EFCAB5: variants seen among roughly 807,000 people sequenced by gnomAD.
The protein encoded by EFCAB5 is EF-hand calcium-binding domain-containing protein 5.
EFCAB5 carries 131 observed loss-of-function variants against 167.9 expected under a neutral mutation model. The observed-to-expected ratio is 0.78, with a 90% CI of 0.68 to 0.90. The LOEUF is 0.90. Among genes scored for constraint, EFCAB5 ranks in the 40% least tolerant of loss-of-function variants. The pLI is 0.00. For synonymous variants in EFCAB5, 574 were observed against 602.8 expected (o/e 0.95, Z 0.70); for missense variants, 1,663 against 1,745.2 (o/e 0.95, Z 0.84).
At chr17:30,096,000 A>G (rs1351871082) in intron 22 of EFCAB5, among the ~76,000 whole-genome samples, 1 of 152,230 alleles carries the variant, frequency 6.6e-6, no homozygotes, top group Non-Finnish European at 1.5e-5. Flanking sequence ...GGAGGAGGAG[A>G]TATCAGTTCA....
chr17:29,964,761 T>G (rs1364641078), intron 3 of EFCAB5, among the ~76,000 whole-genome samples: 4 of 151,630 alleles, frequency 2.6e-5, no homozygotes, highest in Admixed American at 2.6e-4. Context: ...TTTGGTTAAA[T>G]TGTTTTTCTC....
At chr17:30,074,542 G>C (rs1025807594) in intron 14 of EFCAB5, 1 of 152,110 alleles carries the variant, frequency 6.6e-6, no homozygotes, top group Non-Finnish European at 1.5e-5. Flanking sequence ...ACCATGGTTT[G>C]TTTATCCGTT....
intron 7 of EFCAB5, among the ~76,000 whole-genome samples, chr17:30,019,442 T>G (rs980802306): frequency 1.4e-4 from 21 of 150,084 alleles, no homozygotes; most frequent in African/African-American, 4.9e-4. Flanking sequence ...CCTCTCTCCC[T>G]CTCTCTTTTT....
chr17:30,070,214 A>G (rs2151817609), intron 14 of EFCAB5, among the ~76,000 whole-genome samples: 1 of 152,296 alleles, frequency 6.6e-6, no homozygotes, highest in East Asian at 1.9e-4. Context: ...TCTAATAAAT[A>G]CAATTACAGC....
At chr17:30,099,380 T>C (rs2071349916) in intron 22 of EFCAB5, among the ~76,000 whole-genome samples, 1 of 152,116 alleles carries the variant, frequency 6.6e-6, no homozygotes, top group Non-Finnish European at 1.5e-5. Flanking sequence ...TGGGCCATGA[T>C]CGTGCCACTG....
chr17:30,056,692 T>C (rs769839789), intron 12 of EFCAB5, among the ~76,000 whole-genome samples: 7 of 152,218 alleles, frequency 4.6e-5, no homozygotes, highest in Non-Finnish European at 1.0e-4. Context: ...AATGCTACTA[T>C]ATTGTTTTGC....
chr17:29,946,329 C>T (rs1055813886), intron 3 of EFCAB5, among the ~76,000 whole-genome samples: 2 of 150,310 alleles, frequency 1.3e-5, no homozygotes, highest in Non-Finnish European at 2.9e-5. Context: ...TGTCAAAAAA[C>T]AATAGATGTT....
intron 3 of EFCAB5, among the ~76,000 whole-genome samples, chr17:29,962,027 A>G (rs1768773395): frequency 6.6e-6 from 1 of 152,162 alleles, no homozygotes; most frequent in African/African-American, 2.4e-5. Flanking sequence ...TGGTCTCTCT[A>G]TCCTATTTTA....
chr17:30,078,230 A>G lies in EFCAB5; in HGVS notation c.2753A>G (p.Gln918Arg). 1 of 1,611,868 alleles carries G rather than the reference A, an allele frequency of 6.2e-7. No individual in the cohort carries two copies. Among genetic ancestry groups the G allele is most frequent in the Non-Finnish European group, 8.5e-7 (1 of 1,178,528 alleles). ...ESMKKAKLHI[Q>R]FPKPHPGHEV... ...TGTCTTTTAGCTAAACTACACATCC[A>G]ATTTCCAAAGCCACACCCTGGTCAC... is the stretch of plus-strand genomic sequence containing the variant. Residue 918 changes from glutamine to arginine, a missense_variant, in exon 15 of 23, where the codon CAA (glutamine) becomes CGA (arginine). Gln to Arg is a conservative substitution (Grantham distance 43). Coordinates refer to ENST00000394835, the MANE Select transcript of EFCAB5 (RefSeq NM_198529.4).
intron 22 of EFCAB5, among the ~76,000 whole-genome samples, chr17:30,095,382 C>A (rs2071274196): frequency 6.6e-6 from 1 of 152,182 alleles, no homozygotes; most frequent in Non-Finnish European, 1.5e-5. Flanking sequence ...TATAAAGAAA[C>A]CCACCAGCTT....
intron 4 of EFCAB5, among the ~76,000 whole-genome samples, chr17:29,990,115 C>A (rs982559275): frequency 6.6e-6 from 1 of 152,148 alleles, no homozygotes; most frequent in Non-Finnish European, 1.5e-5. Context: ...CTCAAGTTGT[C>A]CATTGGGCCC....
At chr17:30,004,294 C>T (rs189585992) in intron 7 of EFCAB5, among the ~76,000 whole-genome samples, 8 of 152,224 alleles carry the variant, frequency 5.3e-5, no homozygotes, top group African/African-American at 1.2e-4. Flanking sequence ...AAAGCTTCCT[C>T]TGATACCATG....
At chr17:30,038,580 TC>T (rs1447196435) in intron 8 of EFCAB5, among the ~76,000 whole-genome samples, 10 of 152,328 alleles carry the variant, frequency 6.6e-5, no homozygotes, top group Admixed American at 2.0e-4. Flanking sequence ...ATTTTGACGT[TC>T]AAGTCTTGTT....
At chr17:29,941,953 G>T in intron 1 of EFCAB5, 115 bp downstream of exon 1, 2 of 1,165,954 alleles carry the variant, frequency 1.7e-6, no homozygotes, top group South Asian at 2.9e-5. Context: ...CTTTTTGGTT[G>T]AAGTATTCTG....
rs1001935017 is a variant in EFCAB5, at chr17:29,997,881, T to C, written c.973+1521T>C. Among the ~76,000 whole-genome samples the C allele has an allele frequency of 3.1e-4, 47 of 151,280 alleles. 1 individual carries two copies. The highest frequency in any genetic ancestry group is 1.4e-3 in the Admixed American group (22 of 15,178). On this transcript the variant is annotated intron_variant, in intron 6 of 22. Transcript: ENST00000394835. ...AGGACAGCACCACCCCTATGGAGAG[T>C]CACAGATTTTGGTGCTTTTGTTTTC...
intron 8 of EFCAB5, 106 bp from the exon 9 acceptor site, chr17:30,051,012 T>C (rs888104891): frequency 1.1e-4 from 88 of 802,206 alleles, no homozygotes; most frequent in Non-Finnish European, 1.5e-4. Context: ...TGATAATGAT[T>C]GTTGTGGTGA....
rs750865180 is a variant in EFCAB5 at position 30,053,941 on chromosome 17, G to A, written c.1987G>A (p.Glu663Lys). 6 of 1,613,856 alleles carry A rather than the reference G, an allele frequency of 3.7e-6. No homozygotes were observed. The South Asian group carries it at 4.4e-5, about 12-fold the overall frequency. Residue 663 changes from glutamate to lysine, a missense_variant, in exon 10 of 23, where the codon GAG becomes AAG. Transcript: ENST00000394835. ...ACCTTATGGAGAGATAATTTCAGAA[G>A]AGCAAGAAGACATAGGCTCAACTTC... ...QGPYGEIISE[E>K]QEDIGSTSQS...
chr17:30,097,406 A>G (rs2071319029), intron 22 of EFCAB5, among the ~76,000 whole-genome samples: 1 of 152,218 alleles, frequency 6.6e-6, no homozygotes. Flanking sequence ...AAAAGCCTAA[A>G]AAGAGTCACT....
intron 12 of EFCAB5, 114 bp from the exon 13 acceptor site, chr17:30,057,562 A>G: frequency 3.6e-6 from 3 of 841,840 alleles, no homozygotes; most frequent in Non-Finnish European, 3.7e-6. Context: ...TGAAGGAAGC[A>G]TGGATTCCTG....
Sources: allele counts gnomAD v4.1 joint callset (sites outside exome capture counted in the v4.1 genomes callset), GRCh38; gene constraint gnomAD v4.1.1; transcripts MANE v1.5; gene names NCBI Gene and HGNC (gene_info 2026-07-23, HGNC 2026-07-21).